The following YY1 variants were observed in gnomAD, a reference collection of about 807,000 sequenced individuals.
The protein encoded by YY1 is YY1 transcription factor, also known as transcriptional repressor protein YY1.
In YY1, 2 loss-of-function variants were observed where a neutral mutation model predicts 35.6. That is an observed-to-expected ratio of 0.06 (90% CI 0.02 to 0.18). The LOEUF is 0.18. YY1 is among the 10% of genes least tolerant of loss of function. The pLI, the probability that YY1 is intolerant of heterozygous loss-of-function variation, is 1.00. For missense variants in YY1, 322 were observed against 573.4 expected (o/e 0.56, Z 4.48); for synonymous variants, 268 against 238.9 (o/e 1.12, Z -1.12).
chr14:100,260,170 G>A (rs1039446198), intron 1 of YY1, among the ~76,000 whole-genome samples: 2 of 151,896 alleles, frequency 1.3e-5, no homozygotes, highest in Non-Finnish European at 2.9e-5. Context: ...TCCACTTCCC[G>A]GGTTTAAGCA....
rs1566772508 is a variant in YY1 at position 100,252,652 on chromosome 14, C to T, written c.680-9652C>T. 2.0e-5 allele frequency among the ~76,000 whole-genome samples: 3 copies of T among 152,280 alleles called. No homozygotes were observed. In the East Asian group the frequency reaches 5.8e-4, roughly 29 times the overall value. On this transcript the variant is annotated intron_variant, in intron 1 of 4. Transcript: ENST00000262238. ...CAATGACTGTATTCTCAGCTTTTTC[C>T]AAATAGGAATTCTGAGATTTGGCTT...
chr14:100,257,554 G>C (rs1374621554), intron 1 of YY1, among the ~76,000 whole-genome samples: 1 of 151,332 alleles, frequency 6.6e-6, no homozygotes, highest in Non-Finnish European at 1.5e-5. Flanking sequence ...GAACCCTAAT[G>C]CATGGGATTA....
chr14:100,270,240 G>T (rs1891216049), intron 2 of YY1, among the ~76,000 whole-genome samples: 1 of 129,920 alleles, frequency 7.7e-6, no homozygotes, highest in Non-Finnish European at 1.6e-5. Flanking sequence ...TCCAGCCTGG[G>T]CGACAGAGCA....
In YY1 at chr14:100,239,662, G is replaced by T; in HGVS notation, c.418G>T (p.Gly140Cys). The T allele has an allele frequency of 6.2e-7, 1 of 1,609,704 alleles. No individual in the cohort carries two copies. Residue 140 changes from glycine to cysteine, a missense_variant, in exon 1 of 5, where the codon GGC becomes TGC. By Grantham distance (159) the Gly-to-Cys change is radical. Transcript: ENST00000262238. ...QILIPVPAPA[G>C]GDDDYIEQTL... ...TCTCATCCCGGTGCCCGCGCCGGCC[G>T]GCGGCGACGACGACTACATTGAACA...
chr14:100,240,097 C>G (rs1053343704), intron 1 of YY1, among the ~76,000 whole-genome samples, 174 bp downstream of exon 1: 9 of 146,114 alleles, frequency 6.2e-5, no homozygotes, highest in African/African-American at 2.2e-4. Flanking sequence ...CGGCGGGCCG[C>G]GAAGATGGCG....
chr14:100,261,015 A>G (rs574029124), intron 1 of YY1, among the ~76,000 whole-genome samples: 51 of 149,284 alleles, frequency 3.4e-4, no homozygotes, highest in African/African-American at 1.1e-3. Context: ...AGGCTGGTCT[A>G]GGAACTTCTG....
chr14:100,267,294 A>G (rs1468949622), intron 2 of YY1, among the ~76,000 whole-genome samples: 1 of 152,222 alleles, frequency 6.6e-6, no homozygotes, highest in Non-Finnish European at 1.5e-5. Flanking sequence ...GTATACTTGT[A>G]GAGCATTAAG....
At chr14:100,274,030 G>T (rs551056202) in intron 2 of YY1, among the ~76,000 whole-genome samples, 1 of 152,248 alleles carries the variant, frequency 6.6e-6, no homozygotes, top group African/African-American at 2.4e-5. Flanking sequence ...AGTATGTGGT[G>T]TTCCCATCTG....
chr14:100,262,353 T>C lies in YY1; in HGVS notation c.729T>C (p.Ile243=). ...DHETVVEEQI[I]GENSPPDYSE... Reference sequence around the variant, plus strand: ...AGACAGTGGTTGAAGAACAGATCATTGGAGAGAACTCACCTCCTGATTATT... The same window carrying C: ...AGACAGTGGTTGAAGAACAGATCATCGGAGAGAACTCACCTCCTGATTATT... The change falls in exon 2 of 5, where the codon ATT becomes ATC. Residue 243 remains isoleucine, a synonymous_variant. Transcript: ENST00000262238. 1 of 1,614,094 alleles carries C rather than the reference T, an allele frequency of 6.2e-7. No individual in the cohort carries two copies. Among genetic ancestry groups the C allele is most frequent in the Non-Finnish European group, 8.5e-7 (1 of 1,180,034 alleles).
At chr14:100,247,328 G>A (rs1005634457) in intron 1 of YY1, among the ~76,000 whole-genome samples, 7 of 150,400 alleles carry the variant, frequency 4.7e-5, no homozygotes, top group Non-Finnish European at 5.9e-5. Flanking sequence ...TATTCTCTCT[G>A]TGCTCTTACT....
At chr14:100,242,579 AG>A (rs1890767202) in intron 1 of YY1, among the ~76,000 whole-genome samples, 1 of 151,272 alleles carries the variant, frequency 6.6e-6, no homozygotes, top group South Asian at 2.1e-4. Context: ...TAGTAGAGAC[AG>A]GGTTTCACCA....
intron 1 of YY1, among the ~76,000 whole-genome samples, chr14:100,242,590 A>G (rs1398465083): frequency 2.0e-5 from 3 of 151,504 alleles, no homozygotes; most frequent in East Asian, 2.0e-4. Context: ...GGGTTTCACC[A>G]TGTTAGCCAG....
intron 1 of YY1, among the ~76,000 whole-genome samples, chr14:100,251,930 A>G (rs1055800388): frequency 1.3e-5 from 2 of 152,122 alleles, no homozygotes; most frequent in African/African-American, 4.8e-5. Context: ...GCCTGGCCTC[A>G]TTGTTTAATA....
intron 1 of YY1, among the ~76,000 whole-genome samples, chr14:100,260,516 A>T (rs982618483): frequency 6.8e-6 from 1 of 146,838 alleles, no homozygotes; most frequent in Non-Finnish European, 1.5e-5. Context: ...TCTGTCACCC[A>T]GGCTGGAGTA....
chr14:100,280,656 T>C lies in YY1; in HGVS notation c.*3056T>C, dbSNP rs1234925249. ...ATGTAAAAGTTCTAAATGTCACTTATTTTGCTAAATAAGACCCTTTCACAG... is the reference window on the plus strand; with the variant it reads ...ATGTAAAAGTTCTAAATGTCACTTACTTTGCTAAATAAGACCCTTTCACAG... On this transcript the variant is annotated 3_prime_UTR_variant, in exon 5 of 5. Coordinates refer to ENST00000262238, the MANE Select transcript of YY1 (RefSeq NM_003403.5). 6.6e-6 allele frequency: 1 copy of C among 152,082 alleles called. No individual in the cohort carries two copies. The highest frequency in any genetic ancestry group is 1.5e-5 in the Non-Finnish European group (1 of 68,016). 9.4% of individuals were successfully genotyped at this position (152,082 alleles called of 1,614,324 possible).
chr14:100,272,774 T>C (rs1891260820), intron 2 of YY1, among the ~76,000 whole-genome samples: 1 of 152,092 alleles, frequency 6.6e-6, no homozygotes, highest in African/African-American at 2.4e-5. Context: ...CAGTGTACAC[T>C]GTATCCGGTA....
intron 1 of YY1, among the ~76,000 whole-genome samples, chr14:100,260,226 G>A (rs1004440485): frequency 1.3e-5 from 2 of 151,742 alleles, no homozygotes; most frequent in Non-Finnish European, 1.5e-5. Context: ...ACAGGCGCCC[G>A]CCACCACACC....
chr14:100,274,900 T>TG, intron 3 of YY1, 142 bp downstream of exon 3: 1 of 902,188 alleles, frequency 1.1e-6, no homozygotes, highest in South Asian at 1.5e-5. Flanking sequence ...ATCCAAGAGA[T>TG]GAAGTTTTGT....
chr14:100,265,473 G>A (rs1212553702), intron 2 of YY1: 2 of 152,256 alleles, frequency 1.3e-5, no homozygotes, highest in African/African-American at 4.8e-5. Flanking sequence ...GGGGGCAGGG[G>A]GGAGGAGTAA....
Sources: allele counts gnomAD v4.1 joint callset (sites outside exome capture counted in the v4.1 genomes callset), GRCh38; gene constraint gnomAD v4.1.1; transcripts MANE v1.5; gene names NCBI Gene and HGNC (gene_info 2026-07-23, HGNC 2026-07-21).